Variants in FSTL5 observed in about 807,000 individuals in gnomAD.
FSTL5 encodes follistatin-related protein 5.
In FSTL5, 62 loss-of-function variants were observed where a neutral mutation model predicts 89.1. The ratio of observed to expected loss-of-function variants is 0.70; its 90% CI spans 0.57 to 0.86. The LOEUF (loss-of-function observed/expected upper bound fraction) is 0.86, where lower values mean the gene tolerates loss of function less well. Ranked by LOEUF, FSTL5 falls within the 40% of genes least tolerant of loss-of-function variation. The probability of loss-of-function intolerance (pLI) is 0.00; values close to 1 mark genes in which losing one functional copy is unlikely to be tolerated. For synonymous variants in FSTL5, 383 were observed against 346.2 expected, an observed-to-expected ratio of 1.11 and a Z score of -1.18; for missense variants, 1,057 against 1,001.6, an observed-to-expected ratio of 1.06 and a Z score of -0.75.
chr4:161,700,324 T>C (rs13103054), intron 6 of FSTL5, among the ~76,000 whole-genome samples: 82,703 of 151,912 alleles, frequency 0.54, 26,015 homozygotes, highest in East Asian at 0.7. Flanking sequence ...ATTCCTGAGT[T>C]TGTGCTCATC....
intron 6 of FSTL5, among the ~76,000 whole-genome samples, chr4:161,726,267 C>T: frequency 8.5e-6 from 1 of 117,988 alleles, no homozygotes; most frequent in Admixed American, 1.2e-4. Context: ...CACTCTCTTA[C>T]CCAGGCTGGA....
chr4:161,703,030 A>T (rs1426792819), intron 6 of FSTL5, among the ~76,000 whole-genome samples: 2 of 152,026 alleles, frequency 1.3e-5, no homozygotes, highest in African/African-American at 4.8e-5. Flanking sequence ...ATTATGACAT[A>T]ACAAAAGACA....
chr4:161,902,600 C>G (rs1335651605), intron 4 of FSTL5, among the ~76,000 whole-genome samples: 2 of 152,092 alleles, frequency 1.3e-5, no homozygotes, highest in African/African-American at 4.8e-5. Flanking sequence ...GTAATCCCAG[C>G]ACTTTGGGAG....
chr4:161,889,813 T>C (rs1732929351), intron 4 of FSTL5, among the ~76,000 whole-genome samples: 1 of 152,186 alleles, frequency 6.6e-6, no homozygotes, highest in Admixed American at 6.6e-5. Context: ...ATACAGGCCA[T>C]CTTTATCCAC....
chr4:161,777,087 A>G (rs560850235), intron 4 of FSTL5, among the ~76,000 whole-genome samples: 1 of 152,076 alleles, frequency 6.6e-6, no homozygotes, highest in East Asian at 1.9e-4. Flanking sequence ...CATGACTTCA[A>G]TTATTTTTTT....
intron 2 of FSTL5, among the ~76,000 whole-genome samples, chr4:162,099,659 T>G (rs150514894): frequency 6.6e-6 from 1 of 152,150 alleles, no homozygotes; most frequent in South Asian, 2.1e-4. Context: ...AGAAAAAATA[T>G]TTACAAAAGA....
chr4:161,385,995 C>T lies in FSTL5; in HGVS notation c.2296G>A (p.Val766Met). 1.9e-6 allele frequency: 3 copies of T among 1,613,962 alleles called. No homozygotes were observed. Among genetic ancestry groups the T allele is most frequent in the Non-Finnish European group, 2.5e-6 (3 of 1,179,958 alleles). The change falls in exon 16 of 16, where the codon GTG becomes ATG. Residue 766 changes from valine to methionine, a missense_variant. Val to Met is a conservative substitution (Grantham distance 21). Coordinates refer to ENST00000306100, the MANE Select transcript of FSTL5 (RefSeq NM_020116.5). Reference protein sequence around the residue: ...IYGSSSTQTDVLFVELSSGKV... With the variant: ...IYGSSSTQTDMLFVELSSGKV... ...CCAGAAGAGAGCTCCACAAAGAGCA[C>T]ATCAGTTTGTGTGCTTGAACTACCG...
At chr4:161,603,262 G>A (rs77593309) in intron 7 of FSTL5, among the ~76,000 whole-genome samples, 7,509 of 152,140 alleles carry the variant, frequency 0.049, 602 homozygotes, top group African/African-American at 0.17. Context: ...CACACAATTT[G>A]TTTTTTGGTT....
chr4:162,106,176 T>G (rs556284549), intron 2 of FSTL5, among the ~76,000 whole-genome samples: 1 of 152,322 alleles, frequency 6.6e-6, no homozygotes, highest in Admixed American at 6.5e-5. Context: ...GTAACTACCT[T>G]TACAGATAAA....
intron 6 of FSTL5, among the ~76,000 whole-genome samples, chr4:161,691,977 T>C (rs1737958057): frequency 6.6e-6 from 1 of 152,072 alleles, no homozygotes; most frequent in Non-Finnish European, 1.5e-5. Context: ...AATATGTATA[T>C]TCAAAATAAA....
chr4:161,681,973 C>A (rs936479208), intron 6 of FSTL5, among the ~76,000 whole-genome samples: 26 of 152,080 alleles, frequency 1.7e-4, no homozygotes, highest in Non-Finnish European at 3.8e-4. Flanking sequence ...CTACTATACA[C>A]CTGCAGTAGA....
chr4:161,453,978 C>G (rs2126398593), intron 15 of FSTL5, among the ~76,000 whole-genome samples: 1 of 152,206 alleles, frequency 6.6e-6, no homozygotes, highest in East Asian at 1.9e-4. Flanking sequence ...ACAAATATAT[C>G]AAACTTTGAA....
intron 8 of FSTL5, among the ~76,000 whole-genome samples, chr4:161,555,871 T>C (rs1215057766): frequency 6.6e-6 from 1 of 151,498 alleles, no homozygotes; most frequent in Non-Finnish European, 1.5e-5. Flanking sequence ...GAACAGAAAA[T>C]GTGTTTAATT....
chr4:161,805,403 T>TA lies in FSTL5; in HGVS notation c.410-29330dup, dbSNP rs201880721. 4.8e-3 allele frequency among the ~76,000 whole-genome samples: 725 copies of TA among 152,234 alleles called. 5 individuals carry two copies. The highest frequency in any genetic ancestry group is 0.017 in the African/African-American group (695 of 41,568). ...TAGAAAACCACTGAAGCATTTCAGATAAGAGAAATGTTTGTCATAGAGAGG... is the reference window on the plus strand; with the variant it reads ...TAGAAAACCACTGAAGCATTTCAGATAAAGAGAAATGTTTGTCATAGAGAGG... On this transcript the variant is annotated intron_variant, in intron 4 of 15. Transcript: ENST00000306100.
chr4:161,797,232 T>C (rs1729658048), intron 4 of FSTL5, among the ~76,000 whole-genome samples: 1 of 151,674 alleles, frequency 6.6e-6, no homozygotes, highest in Non-Finnish European at 1.5e-5. Context: ...TTGAGATTTC[T>C]GAGGGTTGAC....
chr4:161,923,908 C>T (rs542188163), intron 3 of FSTL5, among the ~76,000 whole-genome samples: 24 of 151,746 alleles, frequency 1.6e-4, no homozygotes, highest in East Asian at 1.2e-3. Flanking sequence ...TACAATTAAA[C>T]GAAATTTAAT....
intron 8 of FSTL5, among the ~76,000 whole-genome samples, chr4:161,569,785 AC>A (rs1732941183): frequency 1.5e-5 from 2 of 137,072 alleles, no homozygotes; most frequent in Non-Finnish European, 3.4e-5. Flanking sequence ...ACACACACAC[AC>A]ACACACACAC....
intron 3 of FSTL5, among the ~76,000 whole-genome samples, chr4:161,987,495 T>A (rs201167161): frequency 1.4e-5 from 2 of 146,000 alleles, no homozygotes; most frequent in Non-Finnish European, 3.0e-5. Context: ...TACATACATA[T>A]ATAAAAAATA....
intron 4 of FSTL5, among the ~76,000 whole-genome samples, chr4:161,903,547 T>C (rs1733432325): frequency 6.6e-6 from 1 of 151,980 alleles, no homozygotes; most frequent in Non-Finnish European, 1.5e-5. Context: ...TTTAAAACTA[T>C]TATAGTCTCA....
Sources: allele counts gnomAD v4.1 joint callset (sites outside exome capture counted in the v4.1 genomes callset), GRCh38; gene constraint gnomAD v4.1.1; transcripts MANE v1.5; gene names NCBI Gene and HGNC (gene_info 2026-07-23, HGNC 2026-07-21).